ARFIP1: variants seen among roughly 807,000 people sequenced by gnomAD.
ARFIP1 encodes the protein ARF interacting protein 1.
ARFIP1 carries 24 observed loss-of-function variants against 42.5 expected under a neutral mutation model. The observed-to-expected ratio is 0.57, with a 90% CI of 0.41 to 0.80. ARFIP1 has a LOEUF of 0.80. Ranked by LOEUF, ARFIP1 falls within the 30% of genes least tolerant of loss-of-function variation. ARFIP1 has a pLI of 0.00. For synonymous variants in ARFIP1, 141 were observed against 153.7 expected (o/e 0.92, Z 0.61); for missense variants, 354 against 434.0 (o/e 0.82, Z 1.64).
chr4:152,783,152 TA>T (rs146307345), intron 1 of ARFIP1, among the ~76,000 whole-genome samples: 2 of 151,822 alleles, frequency 1.3e-5, no homozygotes, highest in Non-Finnish European at 2.9e-5. Flanking sequence ...CTCCTAAAAA[TA>T]AAAAAATTAG....
At chr4:152,901,691 G>A (rs1737850043) in intron 8 of ARFIP1, among the ~76,000 whole-genome samples, 1 of 151,956 alleles carries the variant, frequency 6.6e-6, no homozygotes, top group African/African-American at 2.4e-5. Context: ...CCTTTCTGTT[G>A]TATTAATATT....
intron 1 of ARFIP1, among the ~76,000 whole-genome samples, chr4:152,814,812 C>T (rs1729739631): frequency 6.6e-6 from 1 of 152,248 alleles, no homozygotes; most frequent in South Asian, 2.1e-4. Flanking sequence ...TAGCACTTAG[C>T]TCAAAGCTAA....
intron 8 of ARFIP1, among the ~76,000 whole-genome samples, chr4:152,906,063 T>C (rs922604419): frequency 3.3e-5 from 5 of 152,236 alleles, no homozygotes; most frequent in East Asian, 3.8e-4. Context: ...TTTTCTCTTA[T>C]GTTTTTTTCT....
intron 1 of ARFIP1, among the ~76,000 whole-genome samples, chr4:152,794,044 C>T (rs948082079): frequency 6.6e-6 from 1 of 152,030 alleles, no homozygotes; most frequent in East Asian, 1.9e-4. Flanking sequence ...TTTAGACTTG[C>T]GGAAGAGCTG....
chr4:152,804,425 TATATA>T (rs1315197132), intron 1 of ARFIP1, among the ~76,000 whole-genome samples: 8 of 108,958 alleles, frequency 7.3e-5, no homozygotes, highest in African/African-American at 2.0e-4. Flanking sequence ...TTATATATTA[TATATA>T]ATATAACATG....
chr4:152,894,149 A>C (rs968692210), intron 8 of ARFIP1, among the ~76,000 whole-genome samples: 2 of 151,086 alleles, frequency 1.3e-5, no homozygotes, highest in Non-Finnish European at 2.9e-5. Context: ...CGGAGGTTGC[A>C]GTGAGCCGAG....
intron 1 of ARFIP1, among the ~76,000 whole-genome samples, chr4:152,826,242 GATAAAGAA>G (rs1034278243): frequency 6.6e-5 from 10 of 152,100 alleles, no homozygotes; most frequent in Middle Eastern, 3.2e-3. Flanking sequence ...CCAATGAGTA[GATAAAGAA>G]AATGGGGTTT....
chr4:152,898,598 T>TC (rs1226945587), intron 8 of ARFIP1, among the ~76,000 whole-genome samples: 1 of 152,144 alleles, frequency 6.6e-6, no homozygotes, highest in Non-Finnish European at 1.5e-5. Context: ...CAACTTACAG[T>TC]CTAAAGGAGG....
rs981596601 is a variant in ARFIP1 at position 152,876,662 on chromosome 4, A to G, written c.411+4098A>G. ...GATCCTAATGTTAATTGCCAAGATG[A>G]TGGGGAAAATGTCTTCAGGCCATGT... On this transcript the variant is annotated intron_variant, in intron 5 of 8. Transcript: ENST00000353617. Among the ~76,000 whole-genome samples, 37 of 152,350 alleles carry G rather than the reference A, an allele frequency of 2.4e-4. 1 individual carries two copies. Among genetic ancestry groups the G allele is most frequent in the Admixed American group, 1.2e-3 (18 of 15,310 alleles).
At position 152,847,124 on chromosome 4, in the gene ARFIP1, C is replaced by CTTTTTTTTTTTTTT. The variant is rs771661005; in HGVS notation, c.94-16471_94-16458dup. On this transcript the variant is annotated intron_variant, in intron 2 of 8. Coordinates refer to ENST00000353617, the MANE Select transcript of ARFIP1 (RefSeq NM_001025595.3). ...GTATGTTAATGTTTTTAGGTTTGTTCTTTTTTTTTTTTTTTTTTTTTTTTG... is the reference window on the plus strand; with the variant it reads ...GTATGTTAATGTTTTTAGGTTTGTTCTTTTTTTTTTTTTTTTTTTTTTTTTTTTTTTTTTTTTTG... Among the ~76,000 whole-genome samples the CTTTTTTTTTTTTTT allele has an allele frequency of 3.2e-3, 131 of 40,552 alleles. 32 individuals are homozygous for CTTTTTTTTTTTTTT. The highest frequency in any genetic ancestry group is 0.023 in the Middle Eastern group (1 of 44). 26.6% of individuals were successfully genotyped at this position (40,552 alleles called of 152,430 possible).
chr4:152,830,678 T>C (rs151099195), intron 2 of ARFIP1, among the ~76,000 whole-genome samples: 2,446 of 152,282 alleles, frequency 0.016, 27 homozygotes, highest in Non-Finnish European at 0.027. Context: ...CAAATTGTAC[T>C]TTGTTGGGTG....
At chr4:152,890,439 GA>G (rs1311730302) in intron 8 of ARFIP1, among the ~76,000 whole-genome samples, 1 of 152,084 alleles carries the variant, frequency 6.6e-6, no homozygotes, top group Non-Finnish European at 1.5e-5. Flanking sequence ...AGAGTAGCAG[GA>G]AAAAGTCATT....
chr4:152,856,500 A>G (rs1733448376), intron 2 of ARFIP1, among the ~76,000 whole-genome samples: 2 of 152,238 alleles, frequency 1.3e-5, no homozygotes, highest in Admixed American at 6.5e-5. Flanking sequence ...TATTTACATG[A>G]CATTTACATT....
chr4:152,876,861 G>A (rs1234115179), intron 5 of ARFIP1, among the ~76,000 whole-genome samples: 1 of 152,206 alleles, frequency 6.6e-6, no homozygotes, highest in East Asian at 1.9e-4. Context: ...CTTGGGCTGT[G>A]GCTTCAGAGG....
Position 152,858,431 on chromosome 4 carries a change from T to C in ARFIP1, c.94-5175T>C, listed in dbSNP as rs1443956726. 2.6e-5 allele frequency among the ~76,000 whole-genome samples: 4 copies of C among 152,246 alleles called. No individual in the cohort carries two copies. The East Asian group carries it at 5.8e-4, about 22-fold the overall frequency. ...ACTTAGTGTTTTTACTTTGGCACCATGTTCAATTTTTATGTTAATGTCTAT... is the reference window on the plus strand; with the variant it reads ...ACTTAGTGTTTTTACTTTGGCACCACGTTCAATTTTTATGTTAATGTCTAT... On this transcript the variant is annotated intron_variant, in intron 2 of 8. Transcript: ENST00000353617.
In ARFIP1 at chr4:152,804,681, A is replaced by C. The variant is rs1314467079; in HGVS notation, c.-10+24455A>C. On this transcript the variant is annotated intron_variant, in intron 1 of 8. Coordinates refer to ENST00000353617, the MANE Select transcript of ARFIP1 (RefSeq NM_001025595.3). ...AATCTTTCTGTTTTCTTATGTGTGA[A>C]GAGTATTGGTGTGAAATAGGAATAA... 2.7e-5 allele frequency among the ~76,000 whole-genome samples: 4 copies of C among 150,884 alleles called. No homozygotes were observed. The South Asian group carries it at 6.2e-4, about 23-fold the overall frequency.
In ARFIP1 at chr4:152,815,902, G is replaced by A. The variant is rs529103217; in HGVS notation, c.-9-13723G>A. 4.6e-5 allele frequency among the ~76,000 whole-genome samples: 7 copies of A among 151,742 alleles called. No individual in the cohort carries two copies. The South Asian group carries it at 8.3e-4, about 18-fold the overall frequency. ...TGGGACTACAGGCGCCCGCCACTAC[G>A]CCCGGCTAATTTTTTGTATTTTTAG... On this transcript the variant is annotated intron_variant, in intron 1 of 8. Transcript: ENST00000353617.
intron 1 of ARFIP1, among the ~76,000 whole-genome samples, chr4:152,794,274 C>T (rs1045148039): frequency 2.0e-5 from 3 of 152,132 alleles, no homozygotes; most frequent in African/African-American, 4.8e-5. Context: ...GCAATTTCTC[C>T]GTAGTCTCTT....
chr4:152,847,666 A>AT (rs1732673230), intron 2 of ARFIP1, among the ~76,000 whole-genome samples: 1 of 152,176 alleles, frequency 6.6e-6, no homozygotes, highest in South Asian at 2.1e-4. Context: ...AATTACTCTG[A>AT]TTTGTAAACT....
Sources: gnomAD v4.1 joint callset for allele counts (sites outside exome capture counted in the v4.1 genomes callset) on GRCh38, gnomAD v4.1.1 for gene constraint, MANE v1.5 for transcripts, NCBI Gene and HGNC (gene_info 2026-07-23, HGNC 2026-07-21) for gene names.